Variants in LRMDA observed in about 807,000 individuals in gnomAD.
LRMDA encodes the protein leucine rich melanocyte differentiation associated.
Under a neutral mutation model 29.8 loss-of-function variants are expected in LRMDA, and 18 were observed. That is an observed-to-expected ratio of 0.60 (90% CI 0.42 to 0.90). LRMDA has a LOEUF of 0.90. Among genes scored for constraint, LRMDA ranks in the 40% least tolerant of loss-of-function variants. The probability of loss-of-function intolerance (pLI) is 0.00; values close to 1 mark genes in which losing one functional copy is unlikely to be tolerated. For missense variants in LRMDA, 273 were observed against 273.9 expected, an observed-to-expected ratio of 1.00 and a Z score of 0.02; for synonymous variants, 125 against 109.4, an observed-to-expected ratio of 1.14 and a Z score of -0.89.
intron 2 of LRMDA, among the ~76,000 whole-genome samples, chr10:75,464,746 A>G (rs1844629247): frequency 6.6e-6 from 1 of 152,290 alleles, no homozygotes. Context: ...AAGTTAGACA[A>G]TACTACTGGG....
intron 2 of LRMDA, among the ~76,000 whole-genome samples, chr10:75,848,834 A>C (rs1475227750): frequency 6.6e-6 from 1 of 152,052 alleles, no homozygotes; most frequent in Non-Finnish European, 1.5e-5. Context: ...TCTCTTTGGG[A>C]GGGAAAAGTG....
intron 2 of LRMDA, among the ~76,000 whole-genome samples, chr10:75,851,120 G>A (rs923085509): frequency 3.3e-5 from 5 of 152,158 alleles, no homozygotes; most frequent in African/African-American, 1.2e-4. Context: ...TTGTTTAAAT[G>A]TGATCCATTA....
chr10:75,556,752 GT>G (rs71024550), intron 2 of LRMDA, among the ~76,000 whole-genome samples: 1,505 of 143,390 alleles, frequency 0.01, 29 homozygotes, highest in African/African-American at 0.037. Flanking sequence ...TTGCATGATT[GT>G]TTTTTTTTTT....
chr10:76,207,635 C>T (rs1289996149), intron 5 of LRMDA, among the ~76,000 whole-genome samples: 2 of 152,130 alleles, frequency 1.3e-5, no homozygotes, highest in African/African-American at 2.4e-5. Flanking sequence ...GGGATCATCT[C>T]GCCTTTTCCA....
intron 2 of LRMDA, among the ~76,000 whole-genome samples, chr10:75,563,800 G>A (rs1358769072): frequency 2.0e-5 from 3 of 152,160 alleles, no homozygotes; most frequent in Non-Finnish European, 4.4e-5. Context: ...ATCCACTCCA[G>A]ACCCTGTTTT....
chr10:76,382,514 C>T (rs1841605378), intron 6 of LRMDA, among the ~76,000 whole-genome samples: 1 of 152,218 alleles, frequency 6.6e-6, no homozygotes, highest in Non-Finnish European at 1.5e-5. Context: ...CATGGTAAAG[C>T]ATTGTGAATG....
At chr10:76,438,946 T>C (rs1263534123) in intron 6 of LRMDA, among the ~76,000 whole-genome samples, 1 of 152,220 alleles carries the variant, frequency 6.6e-6, no homozygotes, top group Non-Finnish European at 1.5e-5. Context: ...TATATGTGCA[T>C]ACCTGCCATA....
chr10:75,546,075 G>C (rs549875450), intron 2 of LRMDA, among the ~76,000 whole-genome samples: 70 of 152,262 alleles, frequency 4.6e-4, no homozygotes, highest in Non-Finnish European at 9.4e-4. Context: ...TTATTTTATG[G>C]TGTAAGTTGG....
intron 2 of LRMDA, among the ~76,000 whole-genome samples, chr10:75,964,836 C>G (rs142307993): frequency 6.6e-6 from 1 of 152,172 alleles, no homozygotes; most frequent in Non-Finnish European, 1.5e-5. Context: ...GGTACAATCT[C>G]GGCTCACTGC....
intron 5 of LRMDA, among the ~76,000 whole-genome samples, chr10:76,275,737 C>G (rs1344193881): frequency 6.6e-6 from 1 of 152,002 alleles, no homozygotes; most frequent in Admixed American, 6.6e-5. Context: ...GGCTGAGGTT[C>G]TTGATGAAAA....
intron 2 of LRMDA, among the ~76,000 whole-genome samples, chr10:75,788,755 GAAT>G (rs892235752): frequency 6.6e-6 from 1 of 152,218 alleles, no homozygotes; most frequent in African/African-American, 2.4e-5. Context: ...TTGCCACACA[GAAT>G]AAAATCACAG....
intron 6 of LRMDA, among the ~76,000 whole-genome samples, chr10:76,544,170 T>C (rs1221635455): frequency 6.6e-6 from 1 of 152,188 alleles, no homozygotes; most frequent in Non-Finnish European, 1.5e-5. Context: ...GCGTGGGCAA[T>C]GTCTACGCTG....
intron 6 of LRMDA, among the ~76,000 whole-genome samples, chr10:76,328,834 A>G (rs1169488450): frequency 6.6e-6 from 1 of 152,252 alleles, no homozygotes; most frequent in Non-Finnish European, 1.5e-5. Context: ...TGAATGCTCC[A>G]TGTCAGTCTG....
At chr10:76,122,566 A>C (rs1056031155) in intron 5 of LRMDA, among the ~76,000 whole-genome samples, 1 of 152,172 alleles carries the variant, frequency 6.6e-6, no homozygotes, top group African/African-American at 2.4e-5. Context: ...TTCATATATG[A>C]AAATGCTTAG....
chr10:75,664,806 A>C (rs951954216), intron 2 of LRMDA, among the ~76,000 whole-genome samples: 5 of 152,256 alleles, frequency 3.3e-5, no homozygotes, highest in African/African-American at 1.2e-4. Context: ...ATCTACCTGA[A>C]TATCTGGAAA....
chr10:75,621,875 G>A (rs888021423), intron 2 of LRMDA, among the ~76,000 whole-genome samples: 1 of 152,156 alleles, frequency 6.6e-6, no homozygotes, highest in African/African-American at 2.4e-5. Context: ...GATAAAATGA[G>A]GAAGATGAAG....
At chr10:76,065,075 A>G (rs1404812652) in intron 5 of LRMDA, among the ~76,000 whole-genome samples, 4 of 152,334 alleles carry the variant, frequency 2.6e-5, no homozygotes, top group Non-Finnish European at 5.9e-5. Flanking sequence ...GTTCAAAAAC[A>G]ACTCTGGGAG....
intron 2 of LRMDA, among the ~76,000 whole-genome samples, chr10:75,783,588 G>C (rs972049112): frequency 6.6e-6 from 1 of 151,990 alleles, no homozygotes; most frequent in African/African-American, 2.4e-5. Context: ...CTTTAGATGA[G>C]GCTTAGGCTT....
At chr10:76,468,825 G>A (rs188483358) in intron 6 of LRMDA, among the ~76,000 whole-genome samples, 4 of 152,118 alleles carry the variant, frequency 2.6e-5, no homozygotes, top group Non-Finnish European at 5.9e-5. Flanking sequence ...AATTCCCTTT[G>A]CTCATCAACA....
Sources: allele counts gnomAD v4.1 joint callset (sites outside exome capture counted in the v4.1 genomes callset), GRCh38; gene constraint gnomAD v4.1.1; transcripts MANE v1.5; gene names NCBI Gene and HGNC (gene_info 2026-07-23, HGNC 2026-07-21).